Variants in RNF13 observed in about 807,000 individuals in gnomAD.
RNF13 encodes ring finger protein 13.
RNF13 carries 19 observed loss-of-function variants against 37.7 expected under a neutral mutation model. The observed-to-expected ratio is 0.50, with a 90% CI of 0.35 to 0.74. The LOEUF is 0.74. RNF13 is among the 30% of genes least tolerant of loss of function. RNF13 has a pLI of 0.01. For missense variants in RNF13, 375 were observed against 453.0 expected, an observed-to-expected ratio of 0.83 and a Z score of 1.56; for synonymous variants, 144 against 157.8, an observed-to-expected ratio of 0.91 and a Z score of 0.65.
chr3:149,912,741 G>A (rs1169047771), intron 7 of RNF13, among the ~76,000 whole-genome samples: 2 of 152,034 alleles, frequency 1.3e-5, no homozygotes, highest in Non-Finnish European at 2.9e-5. Context: ...TTAAGGTTAA[G>A]GGGGAATGAC....
intron 3 of RNF13, among the ~76,000 whole-genome samples, chr3:149,868,714 C>T (rs552148534): frequency 1.3e-5 from 2 of 151,412 alleles, no homozygotes; most frequent in South Asian, 4.2e-4. Flanking sequence ...AGTCTGTTGC[C>T]AGATGAATTG....
chr3:149,944,903 G>A (rs2108588038), intron 8 of RNF13, among the ~76,000 whole-genome samples: 2 of 152,242 alleles, frequency 1.3e-5, no homozygotes, highest in South Asian at 4.1e-4. Context: ...GTCCTGAATG[G>A]TATTGCCTAG....
chr3:149,959,031 A>G (rs1722130718), intron 8 of RNF13, among the ~76,000 whole-genome samples: 1 of 152,192 alleles, frequency 6.6e-6, no homozygotes, highest in South Asian at 2.1e-4. Flanking sequence ...ATCCATCCAG[A>G]TAATTGCTTT....
chr3:149,869,657 T>A (rs1184774607), intron 3 of RNF13, among the ~76,000 whole-genome samples: 1 of 151,678 alleles, frequency 6.6e-6, no homozygotes, highest in Non-Finnish European at 1.5e-5. Context: ...TGCTTGTTGG[T>A]TTCTTGCTTC....
At chr3:149,915,330 G>C (rs1191620277) in intron 7 of RNF13, among the ~76,000 whole-genome samples, 1 of 152,030 alleles carries the variant, frequency 6.6e-6, no homozygotes, top group Non-Finnish European at 1.5e-5. Flanking sequence ...TTAGCAATCT[G>C]GATATTCAGG....
At chr3:149,946,040 A>G (rs2108590860) in intron 8 of RNF13, among the ~76,000 whole-genome samples, 1 of 152,354 alleles carries the variant, frequency 6.6e-6, no homozygotes, top group Non-Finnish European at 1.5e-5. Flanking sequence ...GCAGCTCCTC[A>G]CCAGCAACGG....
chr3:149,867,974 G>A lies in RNF13; in HGVS notation c.196-4055G>A, dbSNP rs183383997. Among the ~76,000 whole-genome samples, 15 of 151,692 alleles carry A rather than the reference G, an allele frequency of 9.9e-5. No homozygotes were observed. The East Asian group carries it at 2.7e-3, about 27-fold the overall frequency. On this transcript the variant is annotated intron_variant, in intron 3 of 9. Transcript: ENST00000392894. ...TTGTCATTACTATGAGGCTTACAAA[G>A]CCATCTTATAACAAGTAATTTAAAG...
chr3:149,944,430 A>G (rs1040445208), intron 8 of RNF13, among the ~76,000 whole-genome samples: 10 of 152,148 alleles, frequency 6.6e-5, no homozygotes, highest in Non-Finnish European at 1.2e-4. Flanking sequence ...TTACAGTCCC[A>G]CCAACAGAGT....
chr3:149,848,887 T>C (rs1722885010), intron 2 of RNF13, among the ~76,000 whole-genome samples: 1 of 152,148 alleles, frequency 6.6e-6, no homozygotes, highest in South Asian at 2.1e-4. Context: ...CAGACAGACC[T>C]CTAGGCCATG....
At chr3:149,920,409 T>C (rs149718392) in intron 7 of RNF13, among the ~76,000 whole-genome samples, 1,985 of 150,796 alleles carry the variant, frequency 0.013, 26 homozygotes, top group Non-Finnish European at 0.021. Flanking sequence ...CTAATTTTTT[T>C]CTTTTTAGAG....
chr3:149,954,975 C>T (rs1488883674), intron 8 of RNF13, among the ~76,000 whole-genome samples: 1 of 152,120 alleles, frequency 6.6e-6, no homozygotes, highest in Non-Finnish European at 1.5e-5. Flanking sequence ...GATGGAAAAT[C>T]CTTATGTTTT....
rs137879766 is a variant in RNF13 at position 149,941,668 on chromosome 3, C to G, written c.701-18388C>G. ...TGCCCCTTCACTCTGTCGATCATGT[C>G]TGTTTATGCACAAAAGTTTCTCGTA... On this transcript the variant is annotated intron_variant, in intron 8 of 9. Transcript: ENST00000392894. Among the ~76,000 whole-genome samples, 141 of 151,386 alleles carry G rather than the reference C, an allele frequency of 9.3e-4. 1 individual carries two copies. The highest frequency in any genetic ancestry group is 3.3e-3 in the African/African-American group (135 of 41,356).
intron 7 of RNF13, among the ~76,000 whole-genome samples, chr3:149,914,290 A>G (rs1268719991): frequency 6.6e-6 from 1 of 151,914 alleles, no homozygotes; most frequent in African/African-American, 2.4e-5. Flanking sequence ...CTAGCATCAG[A>G]CCTTTTCCCA....
intron 6 of RNF13, among the ~76,000 whole-genome samples, chr3:149,902,807 G>A (rs998604811): frequency 1.3e-5 from 2 of 152,094 alleles, no homozygotes; most frequent in African/African-American, 4.8e-5. Flanking sequence ...GACCAGAACA[G>A]ACTTTGGTCT....
At chr3:149,917,780 A>G (rs2108529384) in intron 7 of RNF13, among the ~76,000 whole-genome samples, 1 of 152,146 alleles carries the variant, frequency 6.6e-6, no homozygotes, top group East Asian at 1.9e-4. Context: ...TAAACATTCC[A>G]TGTGTGTGAA....
intron 4 of RNF13, among the ~76,000 whole-genome samples, chr3:149,873,548 G>C (rs1712331560): frequency 6.6e-6 from 1 of 152,092 alleles, no homozygotes; most frequent in Non-Finnish European, 1.5e-5. Flanking sequence ...TTATGTTGCA[G>C]CCATACTGCC....
chr3:149,883,514 G>T (rs1381554440), intron 4 of RNF13, among the ~76,000 whole-genome samples: 1 of 151,866 alleles, frequency 6.6e-6, no homozygotes, highest in Non-Finnish European at 1.5e-5. Context: ...ATAATTTTAT[G>T]TCTTTATATT....
At chr3:149,849,433 A>T (rs1722936872) in intron 2 of RNF13, among the ~76,000 whole-genome samples, 1 of 152,192 alleles carries the variant, frequency 6.6e-6, no homozygotes, top group African/African-American at 2.4e-5. Context: ...AATGGATTGG[A>T]TTATATAGCA....
chr3:149,846,086 TG>T lies in RNF13; in HGVS notation c.61del (p.Val21SerfsTer7). The T allele has an allele frequency of 1.2e-6, 2 of 1,613,250 alleles. No homozygotes were observed. Among genetic ancestry groups the T allele is most frequent in the Non-Finnish European group, 1.7e-6 (2 of 1,179,884 alleles). ...SATQVYTILT[V>X]QLFAFLNLLP... ...CCACACAAGTCTACACCATCTTGAC[TG>T]TCCAGCTCTTTGCATTCTTAAACCT... is the stretch of plus-strand genomic sequence containing the variant. On this transcript the variant is annotated frameshift_variant, in exon 2 of 10. Coordinates refer to ENST00000392894, the MANE Select transcript of RNF13 (RefSeq NM_183381.3). LOFTEE classifies it high-confidence loss of function.
Sources: allele counts gnomAD v4.1 joint callset (sites outside exome capture counted in the v4.1 genomes callset), GRCh38; gene constraint gnomAD v4.1.1; transcripts MANE v1.5; gene names NCBI Gene and HGNC (gene_info 2026-07-23, HGNC 2026-07-21).